RALGAPA2: variants seen among roughly 807,000 people sequenced by gnomAD.
The protein encoded by RALGAPA2 is Ral GTPase activating protein catalytic subunit alpha 2.
RALGAPA2 carries 139 observed loss-of-function variants against 230.4 expected under a neutral mutation model. That is an observed-to-expected ratio of 0.60 (90% CI 0.53 to 0.69). The LOEUF is 0.69. Among genes scored for constraint, RALGAPA2 ranks in the 30% least tolerant of loss-of-function variants. The pLI is 0.00. For synonymous variants in RALGAPA2, 847 were observed against 837.8 expected, an observed-to-expected ratio of 1.01 and a Z score of -0.19; for missense variants, 2,163 against 2,276.0, an observed-to-expected ratio of 0.95 and a Z score of 1.01.
chr20:20,627,307 C>T (rs1211321345), intron 10 of RALGAPA2, among the ~76,000 whole-genome samples: 1 of 152,156 alleles, frequency 6.6e-6, no homozygotes, highest in Non-Finnish European at 1.5e-5. Context: ...AACATGAATA[C>T]AGGTCCCTTT....
At chr20:20,604,699 T>A (rs1427122501) in intron 15 of RALGAPA2, among the ~76,000 whole-genome samples, 3 of 152,192 alleles carry the variant, frequency 2.0e-5, no homozygotes, top group African/African-American at 7.2e-5. Context: ...AATTTCTTTT[T>A]TTGTTTTAGC....
intron 39 of RALGAPA2, among the ~76,000 whole-genome samples, chr20:20,395,174 G>T (rs1316094018): frequency 6.6e-6 from 1 of 152,192 alleles, no homozygotes; most frequent in Non-Finnish European, 1.5e-5. Context: ...CCATGGCCAG[G>T]GGCAAAGGGC....
In RALGAPA2 at chr20:20,616,193, T is replaced by C; in HGVS notation, c.1540-2A>G. 1 of 1,504,770 alleles carries C rather than the reference T, an allele frequency of 6.6e-7. No individual in the cohort carries two copies. Among genetic ancestry groups the C allele is most frequent in the Non-Finnish European group, 8.9e-7 (1 of 1,127,068 alleles). The allele number at this position is 1,504,770 out of a possible 1,614,324, so 93.2% of individuals were successfully genotyped here. On this transcript the variant is annotated splice_acceptor_variant, in intron 12 of 39. Transcript: ENST00000202677. LOFTEE classifies it high-confidence loss of function. ...GTTTGCAGAGTTCGTCAAAAATACC[T>C]TAAAATCAACAACTTTACATTAGAA...
At chr20:20,600,307 C>T (rs998451803) in intron 16 of RALGAPA2, among the ~76,000 whole-genome samples, 1 of 151,804 alleles carries the variant, frequency 6.6e-6, no homozygotes, top group Non-Finnish European at 1.5e-5. Context: ...AAAAACAAAA[C>T]AAAAAAAGAA....
intron 27 of RALGAPA2, among the ~76,000 whole-genome samples, chr20:20,530,401 A>C (rs1363887538): frequency 5.9e-5 from 9 of 152,118 alleles, no homozygotes; most frequent in Admixed American, 5.9e-4. Flanking sequence ...TAATACAACC[A>C]CCACCCCCAC....
chr20:20,517,459 T>C (rs1189768288), intron 31 of RALGAPA2, among the ~76,000 whole-genome samples: 1 of 152,228 alleles, frequency 6.6e-6, no homozygotes, highest in Non-Finnish European at 1.5e-5. Context: ...CCACCTGCTT[T>C]AGCTGCAACT....
At chr20:20,620,768 C>T in intron 10 of RALGAPA2, 138 bp from the exon 11 acceptor site, 1 of 659,160 alleles carries the variant, frequency 1.5e-6, no homozygotes. Flanking sequence ...CTACACAGGG[C>T]CACAAATCTT....
At chr20:20,440,667 A>T (rs1002749915) in intron 37 of RALGAPA2, among the ~76,000 whole-genome samples, 3 of 152,224 alleles carry the variant, frequency 2.0e-5, no homozygotes, top group Admixed American at 2.0e-4. Context: ...CATACTGTGC[A>T]ATCACGCTGT....
At chr20:20,690,749 G>A (rs1568759088) in intron 1 of RALGAPA2, among the ~76,000 whole-genome samples, 1 of 151,856 alleles carries the variant, frequency 6.6e-6, no homozygotes, top group Admixed American at 6.6e-5. Flanking sequence ...GGCCTAAGAT[G>A]AGATAGGTGG....
intron 38 of RALGAPA2, among the ~76,000 whole-genome samples, chr20:20,402,799 C>T (rs2059874248): frequency 6.6e-6 from 1 of 152,200 alleles, no homozygotes; most frequent in African/African-American, 2.4e-5. Flanking sequence ...GTGGAAGAGT[C>T]ATATCACAGC....
At chr20:20,520,017 G>A (rs6046908) in intron 31 of RALGAPA2, among the ~76,000 whole-genome samples, 7,465 of 152,194 alleles carry the variant, frequency 0.049, 254 homozygotes, top group African/African-American at 0.092. Flanking sequence ...AAAGTGACGG[G>A]ATTACAGGTG....
At chr20:20,555,758 G>A (rs1340379659) in intron 23 of RALGAPA2, among the ~76,000 whole-genome samples, 2 of 152,162 alleles carry the variant, frequency 1.3e-5, no homozygotes, top group South Asian at 2.1e-4. Flanking sequence ...CTTGTATCCT[G>A]CAATCTTACA....
intron 10 of RALGAPA2, among the ~76,000 whole-genome samples, chr20:20,620,866 G>A (rs1217096304): frequency 2.6e-5 from 4 of 152,182 alleles, no homozygotes; most frequent in African/African-American, 9.7e-5. Context: ...TTATAGGCCG[G>A]GCGCAGTGGC....
intron 35 of RALGAPA2, among the ~76,000 whole-genome samples, chr20:20,497,631 C>T (rs865847318): frequency 3.3e-5 from 5 of 152,124 alleles, no homozygotes; most frequent in East Asian, 3.9e-4. Context: ...GAGGTAATAC[C>T]GTGATTATTG....
At chr20:20,552,459 T>A (rs376315241) in intron 23 of RALGAPA2, among the ~76,000 whole-genome samples, 1 of 152,238 alleles carries the variant, frequency 6.6e-6, no homozygotes, top group South Asian at 2.1e-4. Flanking sequence ...CACTGTTTTT[T>A]AGAGAAGATG....
chr20:20,674,188 AAATAAT>A (rs72521913), intron 3 of RALGAPA2, among the ~76,000 whole-genome samples: 66 of 146,296 alleles, frequency 4.5e-4, no homozygotes, highest in South Asian at 6.5e-4. Flanking sequence ...ACCCTGACTC[AAATAAT>A]AATAATAATA....
At chr20:20,518,806 A>C (rs1364909356) in intron 31 of RALGAPA2, among the ~76,000 whole-genome samples, 1 of 152,184 alleles carries the variant, frequency 6.6e-6, no homozygotes. Context: ...TGTTTTGGGG[A>C]TATACTCATG....
chr20:20,458,865 TATATATATATACAC>T (rs1569418296), intron 37 of RALGAPA2, among the ~76,000 whole-genome samples: 7 of 138,256 alleles, frequency 5.1e-5, no homozygotes, highest in African/African-American at 1.9e-4. Context: ...CCTATATATA[TATATATATATACAC>T]ACACACAAAT....
At chr20:20,587,470 G>GA (rs981643033) in intron 18 of RALGAPA2, among the ~76,000 whole-genome samples, 13 of 151,448 alleles carry the variant, frequency 8.6e-5, no homozygotes, top group South Asian at 2.1e-4. Flanking sequence ...ATCTATTCAG[G>GA]AAAAAAAATG....
Sources: gnomAD v4.1 joint callset for allele counts (sites outside exome capture counted in the v4.1 genomes callset) on GRCh38, gnomAD v4.1.1 for gene constraint, MANE v1.5 for transcripts, NCBI Gene and HGNC (gene_info 2026-07-23, HGNC 2026-07-21) for gene names.